Variants in ROBO2 observed in about 807,000 individuals in gnomAD.
ROBO2 encodes roundabout guidance receptor 2, also known as roundabout homolog 2.
Under a neutral mutation model 160.8 loss-of-function variants are expected in ROBO2, and 53 were observed. That is an observed-to-expected ratio of 0.33 (90% CI 0.26 to 0.41). The LOEUF is 0.41. ROBO2 is among the 10% of genes least tolerant of loss of function. The probability of loss-of-function intolerance (pLI) is 1.00; values close to 1 mark genes in which losing one functional copy is unlikely to be tolerated. For missense variants in ROBO2, 1,577 were observed against 1,722.4 expected, an observed-to-expected ratio of 0.92 and a Z score of 1.49; for synonymous variants, 664 against 611.7, an observed-to-expected ratio of 1.09 and a Z score of -1.26.
At chr3:77,546,572 T>C (rs2092706067) in intron 7 of ROBO2, 110 bp downstream of exon 8, 2 of 1,396,106 alleles carry the variant, frequency 1.4e-6, no homozygotes, top group Non-Finnish European at 2.0e-6. Flanking sequence ...ATTTATTTTA[T>C]TTCTGAAAAA....
chr3:76,284,501 C>A (rs1435248733), intron 2 of ROBO2, among the ~76,000 whole-genome samples: 1 of 152,094 alleles, frequency 6.6e-6, no homozygotes, highest in African/African-American at 2.4e-5. Context: ...ACAATCCATT[C>A]ATTTTATGAA....
rs550340935 is a variant in ROBO2 at position 76,807,035 on chromosome 3, G to A, written c.110-290979G>A. ...GACACTACGTTTCTCTACACCAAAA[G>A]TTGGGGAAGAAGACTTAAAATTCTG... On this transcript the variant is annotated intron_variant, in intron 2 of 26. Coordinates refer to the ROBO2 transcript ENST00000487694. Among the ~76,000 whole-genome samples the A allele has an allele frequency of 2.3e-4, 35 of 152,094 alleles. 1 individual carries two copies. Among genetic ancestry groups the A allele is most frequent in the Admixed American group, 2.2e-3 (33 of 15,268 alleles).
chr3:76,305,757 T>C (rs913226245), intron 2 of ROBO2, among the ~76,000 whole-genome samples: 9 of 144,232 alleles, frequency 6.2e-5, no homozygotes, highest in African/African-American at 2.3e-4. Context: ...GGACTCCATA[T>C]AAAAAAAAAA....
In ROBO2 at chr3:77,577,888, A is replaced by C. The variant is rs540620995; in HGVS notation, c.2328+274A>C. Among the ~76,000 whole-genome samples, 16 of 152,228 alleles carry C rather than the reference A, an allele frequency of 1.1e-4. No individual in the cohort carries two copies. The South Asian group carries it at 3.3e-3, about 32-fold the overall frequency. On this transcript the variant is annotated intron_variant, in intron 15 of 25. Transcript: ENST00000461745. ...ACTCTACAACCTCAAGGATTTAAAG[A>C]GATGGGACACAGGGTAGGTTGTGAA...
At chr3:76,774,267 A>T (rs2062093236) in intron 2 of ROBO2, among the ~76,000 whole-genome samples, 1 of 150,884 alleles carries the variant, frequency 6.6e-6, no homozygotes, top group Non-Finnish European at 1.5e-5. Flanking sequence ...TGAAACTCTA[A>T]TTTGCAAGAT....
chr3:76,204,154 T>A (rs1319334), intron 2 of ROBO2, among the ~76,000 whole-genome samples: 1 of 152,076 alleles, frequency 6.6e-6, no homozygotes, highest in Non-Finnish European at 1.5e-5. Flanking sequence ...ATTTCCTAAG[T>A]GATAGTAGTT....
intron 2 of ROBO2, among the ~76,000 whole-genome samples, chr3:76,751,610 C>A (rs976103714): frequency 2.6e-4 from 39 of 151,968 alleles, no homozygotes; most frequent in African/African-American, 9.4e-4. Context: ...ATCAAACAAC[C>A]CCATCAAAAA....
chr3:77,289,172 G>T (rs954644536), intron 2 of ROBO2, among the ~76,000 whole-genome samples: 5 of 152,154 alleles, frequency 3.3e-5, no homozygotes, highest in African/African-American at 7.2e-5. Flanking sequence ...TATAAAATTA[G>T]CACTGATGTG....
At chr3:77,180,388 TTCTCTCTCTC>T (rs369947015) in intron 2 of ROBO2, among the ~76,000 whole-genome samples, 7 of 99,426 alleles carry the variant, frequency 7.0e-5, no homozygotes, top group Admixed American at 4.8e-4. Context: ...ACCTTTTGAA[TTCTCTCTCTC>T]TCTCTCTCTC....
rs1706649959 is a variant in ROBO2, at chr3:76,260,087, G to A, written c.109+322485G>A. On this transcript the variant is annotated intron_variant, in intron 2 of 26. Transcript: ENST00000487694. ...CCAGACCTAGACAACACATTTGTCA[G>A]TTTTTATGTAAAGCTGAAACCATAG... is the stretch of plus-strand genomic sequence containing the variant. 2.0e-5 allele frequency among the ~76,000 whole-genome samples: 3 copies of A among 152,134 alleles called. No individual in the cohort carries two copies. The South Asian group carries it at 6.2e-4, about 31-fold the overall frequency.
At chr3:77,164,390 G>GC (rs2078763893) in intron 2 of ROBO2, among the ~76,000 whole-genome samples, 1 of 99,116 alleles carries the variant, frequency 1.0e-5, no homozygotes, top group South Asian at 2.9e-4. Flanking sequence ...GAGGGAGGTG[G>GC]GGGGTCAGCC....
intron 2 of ROBO2, among the ~76,000 whole-genome samples, chr3:77,132,479 A>T (rs1238159059): frequency 6.6e-6 from 1 of 152,070 alleles, no homozygotes; most frequent in African/African-American, 2.4e-5. Context: ...ATTTTGTCTG[A>T]GCTATCATAT....
intron 22 of ROBO2, among the ~76,000 whole-genome samples, chr3:77,621,366 T>C (rs1022721161): frequency 6.6e-6 from 1 of 152,004 alleles, no homozygotes; most frequent in African/African-American, 2.4e-5. Flanking sequence ...GTCAGGGCTG[T>C]AGTGAGCCAT....
intron 2 of ROBO2, among the ~76,000 whole-genome samples, chr3:77,237,411 T>TTGTGTGTGTGTGTG (rs71104662): frequency 0.16 from 20,311 of 130,764 alleles, 2,086 homozygotes; most frequent in Non-Finnish European, 0.21. Context: ...TTGTTTTGTT[T>TTGTGTGTGTGTGTG]TGTGTGTGTG....
chr3:76,149,744 ACAT>A (rs1478612309), intron 2 of ROBO2, among the ~76,000 whole-genome samples: 10 of 134,868 alleles, frequency 7.4e-5, no homozygotes, highest in Non-Finnish European at 1.2e-4. Context: ...TCTAAAGCAC[ACAT>A]CATATGTCTA....
chr3:76,191,223 C>T (rs1575808625), intron 2 of ROBO2, among the ~76,000 whole-genome samples: 1 of 152,244 alleles, frequency 6.6e-6, no homozygotes, highest in African/African-American at 2.4e-5. Flanking sequence ...AAATATTACA[C>T]TGAATTCTTA....
intron 1 of ROBO2, among the ~76,000 whole-genome samples, chr3:77,088,766 G>A (rs2069703526): frequency 6.6e-6 from 1 of 152,254 alleles, no homozygotes; most frequent in South Asian, 2.1e-4. Context: ...AAGAATTCAT[G>A]TGATATCCAT....
rs535485205 is a variant in ROBO2, at chr3:76,676,510, C to T, written c.110-421504C>T. Among the ~76,000 whole-genome samples the T allele has an allele frequency of 3.9e-5, 6 of 152,090 alleles. No individual in the cohort carries two copies. The East Asian group carries it at 7.7e-4, about 20-fold the overall frequency. On this transcript the variant is annotated intron_variant, in intron 2 of 26. Coordinates refer to the ROBO2 transcript ENST00000487694. ...AACAAGGTATAAACAAAGTGTATCT[C>T]GACAGGTAAGATAGGATTGTGGGTA...
chr3:77,126,006 T>C (rs972142554), intron 2 of ROBO2, among the ~76,000 whole-genome samples: 3 of 152,222 alleles, frequency 2.0e-5, no homozygotes, highest in African/African-American at 7.2e-5. Context: ...CTCCCAGCGA[T>C]TGCACACATT....
Sources: gnomAD v4.1 joint callset for allele counts (sites outside exome capture counted in the v4.1 genomes callset) on GRCh38, gnomAD v4.1.1 for gene constraint, MANE v1.5 for transcripts, NCBI Gene and HGNC (gene_info 2026-07-23, HGNC 2026-07-21) for gene names.